The following ZBTB44 variants were observed in gnomAD, a reference collection of about 807,000 sequenced individuals.
ZBTB44 encodes the protein zinc finger and BTB domain-containing protein 44.
In ZBTB44, 15 loss-of-function variants were observed where a neutral mutation model predicts 54.0. That is an observed-to-expected ratio of 0.28 (90% CI 0.19 to 0.43). The LOEUF is 0.43. Ranked by LOEUF, ZBTB44 falls within the 20% of genes least tolerant of loss-of-function variation. The pLI is 1.00. For synonymous variants in ZBTB44, 230 were observed against 250.1 expected, an observed-to-expected ratio of 0.92 and a Z score of 0.76; for missense variants, 487 against 707.1, an observed-to-expected ratio of 0.69 and a Z score of 3.53.
At chr11:130,278,453 C>T (rs557028670) in intron 1 of ZBTB44, among the ~76,000 whole-genome samples, 1 of 152,246 alleles carries the variant, frequency 6.6e-6, no homozygotes, top group East Asian at 1.9e-4. Flanking sequence ...AACCATCATT[C>T]GTTTGTATGG....
At chr11:130,292,204 G>A (rs940450017) in intron 1 of ZBTB44, among the ~76,000 whole-genome samples, 5 of 152,142 alleles carry the variant, frequency 3.3e-5, no homozygotes, top group African/African-American at 1.2e-4. Context: ...GGGCTATTAC[G>A]AATAAAGCCG....
chr11:130,301,348 G>A (rs1941976234), intron 1 of ZBTB44, among the ~76,000 whole-genome samples: 1 of 152,148 alleles, frequency 6.6e-6, no homozygotes, highest in African/African-American at 2.4e-5. Flanking sequence ...TTAAGAAAAT[G>A]AAACATGAAA....
intron 1 of ZBTB44, among the ~76,000 whole-genome samples, chr11:130,306,449 C>A (rs760710305): frequency 6.6e-5 from 10 of 151,796 alleles, no homozygotes; most frequent in Non-Finnish European, 1.3e-4. Flanking sequence ...TTGCAGTGAG[C>A]CGAGATTGCG....
intron 1 of ZBTB44, among the ~76,000 whole-genome samples, chr11:130,278,504 A>G (rs892952824): frequency 2.0e-5 from 3 of 152,042 alleles, no homozygotes; most frequent in African/African-American, 4.8e-5. Context: ...TTCTATTGCT[A>G]TATCATTTTC....
At chr11:130,249,288 A>G (rs1235626989) in intron 2 of ZBTB44, among the ~76,000 whole-genome samples, 1 of 152,224 alleles carries the variant, frequency 6.6e-6, no homozygotes, top group Non-Finnish European at 1.5e-5. Flanking sequence ...CGTTACTCAG[A>G]AGGTACCAAG....
intron 2 of ZBTB44, 151 bp downstream of exon 2, chr11:130,260,705 T>A: frequency 1.2e-6 from 1 of 862,912 alleles, no homozygotes; most frequent in Admixed American, 3.2e-5. Flanking sequence ...TAAACGATAG[T>A]GCTAATAGCA....
chr11:130,255,637 A>G (rs1938368179), intron 2 of ZBTB44, among the ~76,000 whole-genome samples: 1 of 152,182 alleles, frequency 6.6e-6, no homozygotes, highest in Admixed American at 6.5e-5. Context: ...AGATTAACAA[A>G]ATAGACAGAC....
intron 2 of ZBTB44, among the ~76,000 whole-genome samples, chr11:130,246,133 A>G (rs976733945): frequency 6.6e-6 from 1 of 152,226 alleles, no homozygotes; most frequent in Non-Finnish European, 1.5e-5. Context: ...ACATAGTGTT[A>G]TATCACTTAT....
rs572669481 is a variant in ZBTB44, at chr11:130,257,238, T to TAA, written c.1018+3616_1018+3617dup. ...TGTTCAGCACATGCATCCCAGATCT[T>TAA]AAAAAAAAAAAAAAAAAAAAAGAAA... On this transcript the variant is annotated intron_variant, in intron 2 of 7. Transcript: ENST00000357899. Among the ~76,000 whole-genome samples, 925 of 109,292 alleles carry TAA rather than the reference T, an allele frequency of 8.5e-3. 8 individuals are homozygous for TAA. The highest frequency in any genetic ancestry group is 0.019 in the African/African-American group (594 of 31,544). 71.7% of individuals were successfully genotyped at this position (109,292 alleles called of 152,430 possible).
At chr11:130,252,568 C>T (rs1938105263) in intron 2 of ZBTB44, among the ~76,000 whole-genome samples, 1 of 152,152 alleles carries the variant, frequency 6.6e-6, no homozygotes, top group Admixed American at 6.5e-5. Context: ...GAAATCGTAA[C>T]AAACAGCCTC....
chr11:130,282,875 G>A (rs1454323686), intron 1 of ZBTB44, among the ~76,000 whole-genome samples: 2 of 151,920 alleles, frequency 1.3e-5, no homozygotes, highest in East Asian at 1.9e-4. Context: ...ATGGGGTCTC[G>A]CTATGCTACC....
intron 1 of ZBTB44, among the ~76,000 whole-genome samples, chr11:130,298,554 C>T (rs1294292656): frequency 1.0e-4 from 15 of 150,662 alleles, no homozygotes; most frequent in African/African-American, 3.7e-4. Flanking sequence ...CCTTCAACTC[C>T]TGGGTTCAAG....
intron 2 of ZBTB44, among the ~76,000 whole-genome samples, chr11:130,244,373 A>G (rs1016265336): frequency 6.6e-6 from 1 of 152,176 alleles, no homozygotes; most frequent in Non-Finnish European, 1.5e-5. Context: ...TATTTTAATG[A>G]AAATGAAAAT....
chr11:130,298,620 G>A (rs1941810041), intron 1 of ZBTB44, among the ~76,000 whole-genome samples: 1 of 151,516 alleles, frequency 6.6e-6, no homozygotes, highest in Admixed American at 6.6e-5. Flanking sequence ...GTGCCACCAC[G>A]CCTGGCCACT....
Position 130,263,178 on chromosome 11 carries a change from G to A in ZBTB44, c.-56-1249C>T, listed in dbSNP as rs138714800. ...TAAATCTCTGTTCCAAAGCAGCCAG[G>A]TAAAGCTACTGAAATAATTATCTTG... On this transcript the variant is annotated intron_variant, in intron 1 of 7. Transcript: ENST00000357899. Among the ~76,000 whole-genome samples the A allele has an allele frequency of 4.9e-3, 744 of 152,360 alleles. 6 individuals carry two copies. Among genetic ancestry groups the A allele is most frequent in the African/African-American group, 0.017 (724 of 41,598 alleles).
Position 130,310,845 on chromosome 11 carries a change from T to C in ZBTB44, c.-57+3530A>G, listed in dbSNP as rs566346814. Among the ~76,000 whole-genome samples, 9 of 152,176 alleles carry C rather than the reference T, an allele frequency of 5.9e-5. No homozygotes were observed. In the South Asian group the frequency reaches 1.9e-3, roughly 32 times the overall value. ...GCAACCTCCCCGGTTCAAGCAATTC[T>C]CCTGCCTCAGCTTCCCAAGTAGCTG... On this transcript the variant is annotated intron_variant, in intron 1 of 7. Coordinates refer to ENST00000357899, the MANE Select transcript of ZBTB44 (RefSeq NM_001301098.2).
chr11:130,271,256 T>G (rs563059164), intron 1 of ZBTB44, among the ~76,000 whole-genome samples: 7 of 152,356 alleles, frequency 4.6e-5, no homozygotes, highest in African/African-American at 1.7e-4. Flanking sequence ...AGCATCAGTA[T>G]GAAATGATAA....
chr11:130,294,612 G>GTTTATAATAATTTAACC (rs1941524029), intron 1 of ZBTB44, among the ~76,000 whole-genome samples: 1 of 129,168 alleles, frequency 7.7e-6, no homozygotes, highest in Non-Finnish European at 1.6e-5. Context: ...TTATGTTGTT[G>GTTTATAATAATTTAACC]TTTATAATAA....
Position 130,261,465 on chromosome 11 carries a change from G to A in ZBTB44, c.409C>T (p.Pro137Ser). The A allele has an allele frequency of 6.2e-7, 1 of 1,613,996 alleles. No individual in the cohort carries two copies. The highest frequency in any genetic ancestry group is 8.5e-7 in the Non-Finnish European group (1 of 1,179,894). ...SILWNTPNSQPEKGLDAGQEN... is the reference protein window; with the variant it reads ...SILWNTPNSQSEKGLDAGQEN... Reference sequence around the variant, plus strand: ...TGTCCAGCATCTAGACCCTTTTCAGGTTGGCTGTTGGGTGTATTCCATAAA... The same window carrying A: ...TGTCCAGCATCTAGACCCTTTTCAGATTGGCTGTTGGGTGTATTCCATAAA... Residue 137 changes from proline to serine, a missense_variant, in exon 2 of 8, where the codon CCT becomes TCT. This residue lies in a region of ZBTB44 where 277 missense variants were observed against 306.5 expected (regional missense o/e 0.90). Coordinates refer to ENST00000357899, the MANE Select transcript of ZBTB44 (RefSeq NM_001301098.2). The surrounding 1 kb of genome is among the most constrained non-coding windows in gnomAD (Gnocchi z 4.8).
Sources: allele counts gnomAD v4.1 joint callset (sites outside exome capture counted in the v4.1 genomes callset), GRCh38; gene constraint gnomAD v4.1.1; regional missense constraint gnomAD v4.1.1; non-coding constraint Gnocchi (gnomAD v3.1); transcripts MANE v1.5; gene names NCBI Gene and HGNC (gene_info 2026-07-23, HGNC 2026-07-21).